CNTNAP5: variants seen among roughly 807,000 people sequenced by gnomAD.
CNTNAP5 encodes the protein contactin associated protein family member 5.
In CNTNAP5, 72 loss-of-function variants were observed where a neutral mutation model predicts 150.2. That is an observed-to-expected ratio of 0.48 (90% CI 0.40 to 0.58). The LOEUF is 0.58. Ranked by LOEUF, CNTNAP5 falls within the 20% of genes least tolerant of loss-of-function variation. CNTNAP5 has a pLI of 0.00. For synonymous variants in CNTNAP5, 672 were observed against 619.8 expected (o/e 1.08, Z -1.25); for missense variants, 1,636 against 1,626.2 (o/e 1.01, Z -0.10).
At chr2:124,156,931 A>T (rs1211420405) in intron 1 of CNTNAP5, among the ~76,000 whole-genome samples, 2 of 152,194 alleles carry the variant, frequency 1.3e-5, no homozygotes, top group African/African-American at 2.4e-5. Context: ...GGACCATAAC[A>T]TTACCTATCT....
chr2:124,320,106 G>T (rs544529565), intron 3 of CNTNAP5, among the ~76,000 whole-genome samples: 1 of 152,152 alleles, frequency 6.6e-6, no homozygotes, highest in East Asian at 1.9e-4. Flanking sequence ...TTCCATTTAC[G>T]TCGTAACATA....
intron 18 of CNTNAP5, among the ~76,000 whole-genome samples, chr2:124,793,748 C>A (rs1206481086): frequency 6.6e-6 from 1 of 152,088 alleles, no homozygotes; most frequent in Non-Finnish European, 1.5e-5. Context: ...ATATCCTTGT[C>A]TCAACACCAT....
intron 13 of CNTNAP5, among the ~76,000 whole-genome samples, chr2:124,666,008 A>G (rs1266458806): frequency 6.6e-6 from 1 of 152,186 alleles, no homozygotes; most frequent in African/African-American, 2.4e-5. Flanking sequence ...TTTTTAAAGG[A>G]AAAAACAAAC....
At chr2:124,459,339 C>G (rs1693194608) in intron 6 of CNTNAP5, among the ~76,000 whole-genome samples, 1 of 152,174 alleles carries the variant, frequency 6.6e-6, no homozygotes, top group Non-Finnish European at 1.5e-5. Flanking sequence ...CTCCCTACCC[C>G]TGTGGGAGGC....
intron 3 of CNTNAP5, among the ~76,000 whole-genome samples, chr2:124,276,224 G>A (rs72962890): frequency 1.3e-3 from 203 of 152,156 alleles, no homozygotes; most frequent in African/African-American, 4.5e-3. Context: ...CAAGTCTAAA[G>A]TTAACAATTT....
intron 12 of CNTNAP5, among the ~76,000 whole-genome samples, chr2:124,621,253 G>A (rs940793045): frequency 6.6e-6 from 1 of 152,142 alleles, no homozygotes; most frequent in Non-Finnish European, 1.5e-5. Flanking sequence ...AGAATCACTA[G>A]CAAAAACACA....
chr2:124,434,435 CAT>C (rs748964316), intron 4 of CNTNAP5, 47 bp from the exon 5 acceptor site: 10 of 1,355,536 alleles, frequency 7.4e-6, no homozygotes, highest in African/African-American at 1.4e-5. Context: ...TAACAGCAGT[CAT>C]GAGAATATGC....
intron 3 of CNTNAP5, among the ~76,000 whole-genome samples, chr2:124,357,690 T>A (rs1407473046): frequency 7.0e-6 from 1 of 142,402 alleles, no homozygotes; most frequent in Non-Finnish European, 1.5e-5. Context: ...ACCAGTACCA[T>A]GCTGTTTTGG....
chr2:124,739,303 C>T (rs1397983429), intron 13 of CNTNAP5, among the ~76,000 whole-genome samples: 2 of 152,072 alleles, frequency 1.3e-5, no homozygotes, highest in East Asian at 1.9e-4. Flanking sequence ...AGCAGGAAGA[C>T]GAAGATTGAC....
chr2:124,757,380 G>A (rs973586927), intron 14 of CNTNAP5, among the ~76,000 whole-genome samples: 1 of 152,228 alleles, frequency 6.6e-6, no homozygotes. Flanking sequence ...AAGGAGGACA[G>A]TGTGAGGACT....
intron 1 of CNTNAP5, among the ~76,000 whole-genome samples, chr2:124,084,924 G>GTTTTGTTTTTTT (rs1553435818): frequency 0.07 from 6,211 of 89,160 alleles, 744 homozygotes; most frequent in Non-Finnish European, 0.098. Flanking sequence ...CAAGTTTCCT[G>GTTTTGTTTTTTT]TTTTTTTTTT....
chr2:124,302,591 G>A (rs887192767), intron 3 of CNTNAP5, among the ~76,000 whole-genome samples: 6 of 152,246 alleles, frequency 3.9e-5, no homozygotes, highest in Non-Finnish European at 5.9e-5. Context: ...AACTCACTCC[G>A]CAAAATAGCA....
At chr2:124,090,051 T>C (rs1017188334) in intron 1 of CNTNAP5, among the ~76,000 whole-genome samples, 1 of 152,170 alleles carries the variant, frequency 6.6e-6, no homozygotes, top group African/African-American at 2.4e-5. Flanking sequence ...GAATTGACCA[T>C]TATATCATAG....
At chr2:124,256,617 A>G (rs915453239) in intron 3 of CNTNAP5, among the ~76,000 whole-genome samples, 4 of 152,178 alleles carry the variant, frequency 2.6e-5, no homozygotes, top group African/African-American at 9.6e-5. Flanking sequence ...GTCGATTTTT[A>G]TTAAAAGCAA....
At chr2:124,739,273 A>G (rs923797125) in intron 13 of CNTNAP5, among the ~76,000 whole-genome samples, 3 of 152,142 alleles carry the variant, frequency 2.0e-5, no homozygotes, top group Non-Finnish European at 4.4e-5. Context: ...TATGTTCTGA[A>G]TTAACGATCT....
intron 13 of CNTNAP5, among the ~76,000 whole-genome samples, chr2:124,741,213 A>T (rs1009737047): frequency 6.6e-6 from 1 of 152,204 alleles, no homozygotes; most frequent in Non-Finnish European, 1.5e-5. Flanking sequence ...AACAATAACC[A>T]CAAAGGCAAC....
chr2:124,913,603 A>C (rs1678701148), intron 23 of CNTNAP5, among the ~76,000 whole-genome samples: 1 of 152,146 alleles, frequency 6.6e-6, no homozygotes, highest in South Asian at 2.1e-4. Context: ...ATGTTTTAGC[A>C]AAACAAACGT....
At chr2:124,654,617 G>A (rs959454429) in intron 13 of CNTNAP5, among the ~76,000 whole-genome samples, 3 of 152,120 alleles carry the variant, frequency 2.0e-5, no homozygotes, top group South Asian at 2.1e-4. Flanking sequence ...TCTTGCTGCG[G>A]CCCACTTTCA....
chr2:124,756,896 C>T (rs1170338462), intron 14 of CNTNAP5, among the ~76,000 whole-genome samples: 1 of 151,972 alleles, frequency 6.6e-6, no homozygotes, highest in African/African-American at 2.4e-5. Flanking sequence ...AATAAACTTG[C>T]ACATCTTGCA....
Sources: allele counts gnomAD v4.1 joint callset (sites outside exome capture counted in the v4.1 genomes callset), GRCh38; gene constraint gnomAD v4.1.1; transcripts MANE v1.5; gene names NCBI Gene and HGNC (gene_info 2026-07-23, HGNC 2026-07-21).